RIMS1: variants seen among roughly 807,000 people sequenced by gnomAD.
RIMS1 encodes the protein regulating synaptic membrane exocytosis protein 1.
Under a neutral mutation model 214.1 loss-of-function variants are expected in RIMS1, and 83 were observed. The observed-to-expected ratio is 0.39, with a 90% CI of 0.32 to 0.47. The LOEUF is 0.47. RIMS1 is among the 20% of genes least tolerant of loss of function. The pLI is 0.99. For missense variants in RIMS1, 2,050 were observed against 2,161.8 expected, an observed-to-expected ratio of 0.95 and a Z score of 1.03; for synonymous variants, 793 against 786.8, an observed-to-expected ratio of 1.01 and a Z score of -0.13.
intron 26 of RIMS1, among the ~76,000 whole-genome samples, chr6:72,305,607 ACT>A (rs2095078206): frequency 6.6e-6 from 1 of 152,056 alleles, no homozygotes. Context: ...TGTAAATATA[ACT>A]CACATTTTTC....
At chr6:72,339,862 T>C (rs1296101708) in intron 29 of RIMS1, among the ~76,000 whole-genome samples, 3 of 152,008 alleles carry the variant, frequency 2.0e-5, no homozygotes, top group Non-Finnish European at 4.4e-5. Flanking sequence ...ATTGCCACAC[T>C]GACTTCCACA....
intron 4 of RIMS1, among the ~76,000 whole-genome samples, chr6:72,141,619 C>G (rs2042089360): frequency 6.6e-6 from 1 of 151,848 alleles, no homozygotes. Flanking sequence ...ATTAATTTTC[C>G]TTACATTTTG....
chr6:72,376,759 A>T (rs1211987117), intron 29 of RIMS1, among the ~76,000 whole-genome samples: 1 of 152,064 alleles, frequency 6.6e-6, no homozygotes, highest in Non-Finnish European at 1.5e-5. Flanking sequence ...AAAAAAAAAA[A>T]AAGAGAATCA....
intron 29 of RIMS1, among the ~76,000 whole-genome samples, chr6:72,358,498 C>G (rs1481160494): frequency 6.6e-6 from 1 of 152,034 alleles, no homozygotes; most frequent in Non-Finnish European, 1.5e-5. Context: ...ATAAATTCAA[C>G]AGAATTTGTG....
At position 72,058,981 on chromosome 6, in the gene RIMS1, A is replaced by G. The variant is rs951252469; in HGVS notation, c.246-37968A>G. ...GACTGGGTGTTTAAAGTACTACAAC[A>G]GAGCTATTAATTTACTCATTTAAAC... On this transcript the variant is annotated intron_variant, in intron 2 of 33. Coordinates refer to ENST00000521978, the MANE Select transcript of RIMS1 (RefSeq NM_014989.7). Among the ~76,000 whole-genome samples, 8 of 152,354 alleles carry G rather than the reference A, an allele frequency of 5.3e-5. No homozygotes were observed. In the East Asian group the frequency reaches 1.5e-3, roughly 29 times the overall value.
intron 29 of RIMS1, among the ~76,000 whole-genome samples, chr6:72,349,667 A>G (rs2097377313): frequency 1.3e-5 from 2 of 152,124 alleles, no homozygotes; most frequent in South Asian, 4.1e-4. Context: ...TATTGATTAG[A>G]AACTTACCGG....
intron 6 of RIMS1, among the ~76,000 whole-genome samples, chr6:72,191,912 A>G (rs369664927): frequency 6.6e-6 from 1 of 152,200 alleles, no homozygotes; most frequent in Admixed American, 6.5e-5. Context: ...GTACTCGATG[A>G]TGGCACTAAT....
rs1406891961 is a variant in RIMS1, at chr6:72,159,985, A to T, written c.472-19590A>T. ...AATCTATAAATTACCTTGGGCAGCA[A>T]GGCCATTTTCACGATATTGATTCTT... is the stretch of plus-strand genomic sequence containing the variant. On this transcript the variant is annotated intron_variant, in intron 4 of 33. Transcript: ENST00000521978. 3.7e-5 allele frequency among the ~76,000 whole-genome samples: 5 copies of T among 136,850 alleles called. 1 individual carries two copies. Among genetic ancestry groups the T allele is most frequent in the South Asian group, 2.5e-4 (1 of 3,998 alleles). 89.8% of individuals were successfully genotyped at this position (136,850 alleles called of 152,430 possible).
At chr6:72,223,379 T>A (rs2059136184) in intron 6 of RIMS1, among the ~76,000 whole-genome samples, 1 of 152,136 alleles carries the variant, frequency 6.6e-6, no homozygotes, top group Admixed American at 6.5e-5. Flanking sequence ...GAAAATAGAG[T>A]TACAATAAAT....
At chr6:72,397,965 G>A (rs767487131) in intron 31 of RIMS1, among the ~76,000 whole-genome samples, 5 of 152,042 alleles carry the variant, frequency 3.3e-5, no homozygotes, top group South Asian at 4.1e-4. Context: ...ATCTTATTAA[G>A]TACAAGAATT....
intron 1 of RIMS1, among the ~76,000 whole-genome samples, chr6:71,958,226 G>A (rs1158324032): frequency 6.6e-6 from 1 of 152,086 alleles, no homozygotes; most frequent in African/African-American, 2.4e-5. Context: ...CAGGTTTCCT[G>A]TATTTGTTCA....
At chr6:72,024,019 G>A (rs1815566812) in intron 2 of RIMS1, among the ~76,000 whole-genome samples, 1 of 151,982 alleles carries the variant, frequency 6.6e-6, no homozygotes, top group Admixed American at 6.6e-5. Flanking sequence ...AAACTACAAA[G>A]CTTTAGTGTC....
At chr6:71,889,311 A>G (rs373839734) in intron 1 of RIMS1, among the ~76,000 whole-genome samples, 15 of 152,304 alleles carry the variant, frequency 9.8e-5, no homozygotes, top group East Asian at 3.9e-4. Flanking sequence ...GACAGCAATT[A>G]TAAGATTGTA....
At chr6:72,140,913 A>G (rs573328626) in intron 4 of RIMS1, among the ~76,000 whole-genome samples, 5 of 152,052 alleles carry the variant, frequency 3.3e-5, no homozygotes, top group Admixed American at 6.6e-5. Context: ...GGTTGAGAAA[A>G]GTAAGTTGGG....
chr6:72,004,881 C>G (rs1806824456), intron 2 of RIMS1, among the ~76,000 whole-genome samples: 1 of 152,096 alleles, frequency 6.6e-6, no homozygotes, highest in Non-Finnish European at 1.5e-5. Context: ...TTAATTAGAT[C>G]CCATTTGTCA....
chr6:72,055,732 C>T lies in RIMS1; in HGVS notation c.246-41217C>T, dbSNP rs118127341. 2.0e-3 allele frequency among the ~76,000 whole-genome samples: 299 copies of T among 152,118 alleles called. 8 individuals carry two copies. In the East Asian group the frequency reaches 0.046, roughly 23 times the overall value. ...TAATGAGATATCATCTCACTTCAGT[C>T]GAATGGCTATTATTAAACGTGAAAA... On this transcript the variant is annotated intron_variant, in intron 2 of 33. Coordinates refer to ENST00000521978, the MANE Select transcript of RIMS1 (RefSeq NM_014989.7).
At chr6:71,929,334 G>C (rs1444915817) in intron 1 of RIMS1, among the ~76,000 whole-genome samples, 1 of 152,136 alleles carries the variant, frequency 6.6e-6, no homozygotes, top group Non-Finnish European at 1.5e-5. Flanking sequence ...TCAGAGCATA[G>C]AGGTGACAGC....
chr6:72,315,219 A>C (rs149420570), intron 28 of RIMS1, among the ~76,000 whole-genome samples: 11 of 152,314 alleles, frequency 7.2e-5, no homozygotes, highest in African/African-American at 2.4e-4. Flanking sequence ...TCATGACAAG[A>C]AGCAAAAGAT....
At chr6:72,299,666 C>A (rs1161063802) in intron 26 of RIMS1, among the ~76,000 whole-genome samples, 3 of 151,626 alleles carry the variant, frequency 2.0e-5, no homozygotes, top group African/African-American at 7.3e-5. Flanking sequence ...ATTAACTTTA[C>A]TTTAGTGGAA....
Sources: gnomAD v4.1 joint callset for allele counts (sites outside exome capture counted in the v4.1 genomes callset) on GRCh38, gnomAD v4.1.1 for gene constraint, MANE v1.5 for transcripts, NCBI Gene and HGNC (gene_info 2026-07-23, HGNC 2026-07-21) for gene names.